Variants in NRG3 observed in about 807,000 individuals in gnomAD.
NRG3 encodes neuregulin 3.
In NRG3, 31 loss-of-function variants were observed where a neutral mutation model predicts 66.9. The observed-to-expected ratio is 0.46, with a 90% confidence interval of 0.35 to 0.63. The LOEUF is 0.63. Ranked by LOEUF, NRG3 falls within the 20% of genes least tolerant of loss-of-function variation. The pLI, the probability that NRG3 is intolerant of heterozygous loss-of-function variation, is 0.00. For synonymous variants in NRG3, 393 were observed against 359.4 expected (o/e 1.09, Z -1.06); for missense variants, 910 against 878.9 (o/e 1.04, Z -0.45).
intron 3 of NRG3, 61 bp from the exon 4 acceptor site, chr10:82,865,350 G>C: frequency 2.7e-5 from 43 of 1,578,988 alleles, no homozygotes; most frequent in Non-Finnish European, 3.7e-5. Flanking sequence ...CATGTATAGA[G>C]CTTTTTCTAA....
chr10:81,965,541 A>G (rs757658904), intron 1 of NRG3, among the ~76,000 whole-genome samples: 64 of 152,198 alleles, frequency 4.2e-4, no homozygotes, highest in Non-Finnish European at 8.1e-4. Context: ...TATTTTTATG[A>G]TACTGAGTTA....
chr10:82,215,963 C>CTTTTTTTTTTTTTTTTTTTTTTTTTTTCT (rs71894841), intron 1 of NRG3, among the ~76,000 whole-genome samples: 1 of 89,720 alleles, frequency 1.1e-5, no homozygotes, highest in Non-Finnish European at 2.1e-5. Context: ...TTATGTTTTC[C>CTTTTTTTTTTTTTTTTTTTTTTTTTTTCT]TTTTTTTTTT....
intron 1 of NRG3, among the ~76,000 whole-genome samples, chr10:82,036,943 A>G (rs2062818048): frequency 6.6e-6 from 1 of 152,144 alleles, no homozygotes; most frequent in Non-Finnish European, 1.5e-5. Flanking sequence ...GATTCACCAT[A>G]AAGGTGATCA....
intron 1 of NRG3, among the ~76,000 whole-genome samples, chr10:82,094,549 T>C (rs904567324): frequency 6.6e-6 from 1 of 152,182 alleles, no homozygotes; most frequent in Non-Finnish European, 1.5e-5. Context: ...TTTGTATGTT[T>C]ATCACAATAG....
intron 1 of NRG3, among the ~76,000 whole-genome samples, chr10:82,312,098 A>G (rs556832969): frequency 2.0e-5 from 3 of 152,182 alleles, no homozygotes; most frequent in Non-Finnish European, 4.4e-5. Flanking sequence ...CTCACTAAAT[A>G]TTGGTTGTCT....
chr10:82,490,737 T>C (rs1590326099), intron 2 of NRG3, among the ~76,000 whole-genome samples: 1 of 152,116 alleles, frequency 6.6e-6, no homozygotes, highest in African/African-American at 2.4e-5. Context: ...TTCCTATTCT[T>C]CCCTCAAAAC....
chr10:81,965,114 G>A (rs1057358288), intron 1 of NRG3, among the ~76,000 whole-genome samples: 5 of 152,150 alleles, frequency 3.3e-5, no homozygotes, highest in African/African-American at 7.2e-5. Context: ...TGTTCCTGAC[G>A]AATTTCCGGA....
chr10:82,260,021 G>A (rs953943412), intron 1 of NRG3, among the ~76,000 whole-genome samples: 2 of 152,026 alleles, frequency 1.3e-5, no homozygotes, highest in Non-Finnish European at 2.9e-5. Context: ...AGTATTTCCT[G>A]TTGCTACAAT....
At chr10:82,234,906 C>G (rs1320958089) in intron 1 of NRG3, among the ~76,000 whole-genome samples, 2 of 152,238 alleles carry the variant, frequency 1.3e-5, no homozygotes, top group Non-Finnish European at 1.5e-5. Context: ...CCGTGCTTGC[C>G]TTGTTACTGT....
chr10:82,227,631 A>ACTCTG (rs1338882114), intron 1 of NRG3, among the ~76,000 whole-genome samples: 1 of 151,978 alleles, frequency 6.6e-6, no homozygotes, highest in East Asian at 1.9e-4. Flanking sequence ...GTGTTGACAA[A>ACTCTG]CTCTGGGAAT....
intron 1 of NRG3, among the ~76,000 whole-genome samples, chr10:82,282,276 T>G (rs999652722): frequency 6.6e-6 from 1 of 151,730 alleles, no homozygotes; most frequent in Non-Finnish European, 1.5e-5. Flanking sequence ...ATTTATTTAT[T>G]TATTTATTTA....
chr10:82,183,128 G>A (rs1420928830), intron 1 of NRG3, among the ~76,000 whole-genome samples: 1 of 151,880 alleles, frequency 6.6e-6, no homozygotes, highest in Non-Finnish European at 1.5e-5. Flanking sequence ...GGATTCATTT[G>A]CCTTCTTGAA....
intron 1 of NRG3, among the ~76,000 whole-genome samples, chr10:82,042,321 G>A (rs1291202271): frequency 6.6e-6 from 1 of 151,992 alleles, no homozygotes; most frequent in Non-Finnish European, 1.5e-5. Flanking sequence ...TTAGGAAGTA[G>A]CTTTCACATT....
At chr10:82,243,875 G>A (rs2077115552) in intron 1 of NRG3, among the ~76,000 whole-genome samples, 1 of 152,148 alleles carries the variant, frequency 6.6e-6, no homozygotes, top group Non-Finnish European at 1.5e-5. Flanking sequence ...TTGCTACGCA[G>A]GATTTAGTGA....
chr10:82,255,859 C>T lies in NRG3; in HGVS notation c.824-102880C>T, dbSNP rs181925241. Among the ~76,000 whole-genome samples the T allele has an allele frequency of 4.6e-3, 706 of 152,226 alleles. 3 individuals are homozygous for T. The highest frequency in any genetic ancestry group is 9.5e-3 in the Admixed American group (145 of 15,282). On this transcript the variant is annotated intron_variant, in intron 1 of 8. Transcript: ENST00000372141. The stretch of plus-strand genomic sequence containing the variant: ...CCTCAGGTGATCTGCCTGCCTCAGC[C>T]TCCCAAACTGCTGGGATCACATGCG...
chr10:82,192,590 C>CG (rs1283323952), intron 1 of NRG3, among the ~76,000 whole-genome samples: 19 of 152,184 alleles, frequency 1.2e-4, no homozygotes, highest in African/African-American at 3.6e-4. Context: ...TCCTGAGGCA[C>CG]ATGACTTTGC....
intron 3 of NRG3, among the ~76,000 whole-genome samples, chr10:82,786,567 C>T (rs1051282339): frequency 1.3e-5 from 2 of 152,020 alleles, no homozygotes; most frequent in African/African-American, 2.4e-5. Flanking sequence ...AGATAAATCA[C>T]GCCTTGAGTA....
chr10:82,812,378 C>G (rs2061525401), intron 3 of NRG3, among the ~76,000 whole-genome samples: 1 of 152,154 alleles, frequency 6.6e-6, no homozygotes, highest in Non-Finnish European at 1.5e-5. Flanking sequence ...TAGAACCAAC[C>G]AACCAATGAA....
intron 2 of NRG3, among the ~76,000 whole-genome samples, chr10:82,457,654 CA>C (rs1471555148): frequency 6.6e-6 from 1 of 152,188 alleles, no homozygotes; most frequent in Non-Finnish European, 1.5e-5. Context: ...GGTGAAACAA[CA>C]GTGCTCTGTG....
Sources: allele counts gnomAD v4.1 joint callset (sites outside exome capture counted in the v4.1 genomes callset), GRCh38; gene constraint gnomAD v4.1.1; transcripts MANE v1.5; gene names NCBI Gene and HGNC (gene_info 2026-07-23, HGNC 2026-07-21).